BANF2: variants seen among roughly 807,000 people sequenced by gnomAD.
BANF2 encodes the protein BANF family member 2, also known as barrier-to-autointegration factor-like protein.
Under a neutral mutation model 8.0 loss-of-function variants are expected in BANF2, and 4 were observed. The observed-to-expected ratio is 0.50, with a 90% CI of 0.25 to 1.14. The LOEUF (loss-of-function observed/expected upper bound fraction) is 1.14, where lower values mean the gene tolerates loss of function less well. BANF2 is among the 50% of genes most tolerant of loss of function. BANF2 has a pLI of 0.16. For missense variants in BANF2, 96 were observed against 107.5 expected (o/e 0.89, Z 0.47); for synonymous variants, 50 against 40.6 (o/e 1.23, Z -0.88).
chr20:17,720,853 C>T (rs1361945148), intron 1 of BANF2, among the ~76,000 whole-genome samples: 1 of 152,200 alleles, frequency 6.6e-6, no homozygotes, highest in Admixed American at 6.5e-5. Flanking sequence ...TAAGTGGCAT[C>T]ATGAATGTCT....
intron 1 of BANF2, chr20:17,712,259 T>G (rs2037584222): frequency 6.6e-6 from 1 of 152,288 alleles, no homozygotes; most frequent in African/African-American, 2.4e-5. Flanking sequence ...ACTCCAGGCT[T>G]CAGTTCACCC....
At chr20:17,700,122 C>A in intron 1 of BANF2, 67 bp downstream of exon 1, 1 of 608,366 alleles carries the variant, frequency 1.6e-6, no homozygotes, top group Non-Finnish European at 2.1e-6. Context: ...TGTCTTAGCA[C>A]TTTAAGGTCT....
chr20:17,702,446 G>T (rs73264783), intron 1 of BANF2, among the ~76,000 whole-genome samples: 1 of 152,198 alleles, frequency 6.6e-6, no homozygotes, highest in Non-Finnish European at 1.5e-5. Context: ...TCCCTTCTGC[G>T]TGGTGCCCTG....
rs143651199 is a variant in BANF2, at chr20:17,735,676, G to C, written c.138G>C (p.Leu46=). 9 of 1,613,832 alleles carry C rather than the reference G, an allele frequency of 5.6e-6. No individual in the cohort carries two copies. The South Asian group carries it at 9.9e-5, about 18-fold the overall frequency. ...VTKGINKAYI[L]LGQFLLMHKN... Reference sequence around the variant, plus strand: ...CATCCCCTCCCCAGGCCTACATCCTGCTGGGACAATTCCTTCTGATGCACA... The same window carrying C: ...CATCCCCTCCCCAGGCCTACATCCTCCTGGGACAATTCCTTCTGATGCACA... Residue 46 remains leucine (L), a synonymous_variant, in exon 4 of 4, where the codon CTG becomes CTC. Coordinates refer to ENST00000246090, the MANE Select transcript of BANF2 (RefSeq NM_178477.5).
chr20:17,696,281 A>G (rs2037345560), upstream of BANF2, among the ~76,000 whole-genome samples: 1 of 152,222 alleles, frequency 6.6e-6, no homozygotes, highest in Non-Finnish European at 1.5e-5. Context: ...CAGAGATTAC[A>G]GGCATGAACC....
upstream of BANF2, among the ~76,000 whole-genome samples, chr20:17,699,105 A>G (rs1403490808): frequency 6.6e-6 from 1 of 152,222 alleles, no homozygotes; most frequent in African/African-American, 2.4e-5. Context: ...CGAGTCTTCC[A>G]GGTCATTCTA....
At chr20:17,734,244 A>G (rs2037942772) in intron 3 of BANF2, among the ~76,000 whole-genome samples, 1 of 152,218 alleles carries the variant, frequency 6.6e-6, no homozygotes. Flanking sequence ...TAAAAATAGA[A>G]ATCACAGTGC....
At chr20:17,710,954 C>T (rs759278925) in intron 1 of BANF2, among the ~76,000 whole-genome samples, 6 of 152,048 alleles carry the variant, frequency 3.9e-5, no homozygotes, top group Non-Finnish European at 8.8e-5. Flanking sequence ...GCGGGGGCGC[C>T]GCCAGATGAA....
chr20:17,725,451 C>T (rs766319548), intron 3 of BANF2, among the ~76,000 whole-genome samples: 1 of 152,242 alleles, frequency 6.6e-6, no homozygotes, highest in African/African-American at 2.4e-5. Flanking sequence ...CCGCCGGGGT[C>T]TGAGATGAGC....
chr20:17,700,754 C>T (rs1420884622), intron 1 of BANF2, among the ~76,000 whole-genome samples: 2 of 152,180 alleles, frequency 1.3e-5, no homozygotes, highest in African/African-American at 4.8e-5. Flanking sequence ...ATATGGGCCA[C>T]CTGCACTCGG....
chr20:17,732,408 C>A (rs2037911828), intron 3 of BANF2, among the ~76,000 whole-genome samples: 1 of 152,236 alleles, frequency 6.6e-6, no homozygotes, highest in African/African-American at 2.4e-5. Flanking sequence ...ACTCTGTTGC[C>A]CAGGCTGGAG....
chr20:17,699,332 A>G (rs997242921), upstream of BANF2, among the ~76,000 whole-genome samples: 3 of 152,212 alleles, frequency 2.0e-5, no homozygotes, highest in African/African-American at 7.2e-5. Flanking sequence ...TATACATTGT[A>G]CCAAGTTATC....
chr20:17,721,101 C>T (rs2122622823), intron 1 of BANF2, among the ~76,000 whole-genome samples: 1 of 152,270 alleles, frequency 6.6e-6, no homozygotes, highest in African/African-American at 2.4e-5. Context: ...GTTTGCCTAC[C>T]CAGCATTCAT....
intron 3 of BANF2, among the ~76,000 whole-genome samples, chr20:17,733,228 C>A (rs2037927970): frequency 6.6e-6 from 1 of 152,196 alleles, no homozygotes. Context: ...ATGCATTAGC[C>A]TCCAGGCCAG....
chr20:17,702,510 C>T (rs2037423817), intron 1 of BANF2, among the ~76,000 whole-genome samples: 1 of 152,218 alleles, frequency 6.6e-6, no homozygotes, highest in African/African-American at 2.4e-5. Context: ...CAACTGGCAA[C>T]TTAAATGAGG....
At chr20:17,710,020 T>C (rs1457057216) in intron 1 of BANF2, among the ~76,000 whole-genome samples, 1 of 152,252 alleles carries the variant, frequency 6.6e-6, no homozygotes, top group Non-Finnish European at 1.5e-5. Context: ...GAGCAGTTAC[T>C]GCCATGAGCA....
At chr20:17,731,716 C>G (rs1374585983) in intron 3 of BANF2, among the ~76,000 whole-genome samples, 1 of 133,158 alleles carries the variant, frequency 7.5e-6, no homozygotes, top group East Asian at 2.2e-4. Flanking sequence ...CTGCATGCTA[C>G]TGAACTCTAG....
intron 3 of BANF2, among the ~76,000 whole-genome samples, chr20:17,734,461 G>A (rs535244677): frequency 1.3e-5 from 2 of 152,322 alleles, no homozygotes; most frequent in South Asian, 4.2e-4. Flanking sequence ...TTAGGAAGGT[G>A]CAGAAACTGA....
At chr20:17,694,226 A>G (rs2037323407) in intron 1 of BANF2, among the ~76,000 whole-genome samples, 1 of 152,180 alleles carries the variant, frequency 6.6e-6, no homozygotes, top group African/African-American at 2.4e-5. Flanking sequence ...GCACAAAACC[A>G]AGACAATTTC....
Sources: gnomAD v4.1 joint callset for allele counts (sites outside exome capture counted in the v4.1 genomes callset) on GRCh38, gnomAD v4.1.1 for gene constraint, MANE v1.5 for transcripts, NCBI Gene and HGNC (gene_info 2026-07-23, HGNC 2026-07-21) for gene names.